SUMF1: variants seen among roughly 807,000 people sequenced by gnomAD.
SUMF1 encodes the protein formylglycine-generating enzyme.
In SUMF1, 48 loss-of-function variants were observed where a neutral mutation model predicts 47.6. The observed-to-expected ratio is 1.01, with a 90% confidence interval of 0.80 to 1.28. The LOEUF (loss-of-function observed/expected upper bound fraction) is 1.28. Ranked by LOEUF, SUMF1 falls within the 50% of genes most tolerant of loss-of-function variation. The probability of loss-of-function intolerance (pLI) is 0.00; values close to 1 mark genes in which losing one functional copy is unlikely to be tolerated. For missense variants in SUMF1, 571 were observed against 485.4 expected, an observed-to-expected ratio of 1.18 and a Z score of -1.66; for synonymous variants, 230 against 192.1, an observed-to-expected ratio of 1.20 and a Z score of -1.63.
chr3:4,279,544 C>T (rs966506579), intron 8 of SUMF1, among the ~76,000 whole-genome samples: 10 of 151,956 alleles, frequency 6.6e-5, no homozygotes, highest in African/African-American at 2.2e-4. Context: ...AAATAGTAGG[C>T]GCTATGATCC....
chr3:4,381,647 C>G (rs1006231774), intron 7 of SUMF1, among the ~76,000 whole-genome samples: 1 of 152,226 alleles, frequency 6.6e-6, no homozygotes, highest in Non-Finnish European at 1.5e-5. Flanking sequence ...TTCTGACTTC[C>G]TCACACAAAC....
chr3:4,078,344 G>C (rs537492602), intron 8 of SUMF1, among the ~76,000 whole-genome samples: 2 of 152,008 alleles, frequency 1.3e-5, no homozygotes, highest in South Asian at 4.1e-4. Context: ...TCCACTACCT[G>C]TGAACGTATC....
chr3:4,385,552 A>G (rs1700645810), intron 7 of SUMF1, among the ~76,000 whole-genome samples: 1 of 152,128 alleles, frequency 6.6e-6, no homozygotes, highest in Non-Finnish European at 1.5e-5. Context: ...ATGGGTTGCG[A>G]ATATTTTCTC....
intron 9 of SUMF1, among the ~76,000 whole-genome samples, chr3:4,045,964 T>C (rs966099636): frequency 1.4e-4 from 22 of 152,134 alleles, no homozygotes; most frequent in African/African-American, 5.3e-4. Context: ...GGCAAGAGGA[T>C]TGCTTGAGGC....
In SUMF1 at chr3:4,316,494, G is replaced by T. The variant is rs1268324674; in HGVS notation, c.1014+59836C>A. On this transcript the variant is annotated intron_variant and NMD_transcript_variant, in intron 8 of 12. Transcript: ENST00000448413. Reference sequence around the variant, plus strand: ...TACAACTACACGAGAAGTTGCTGAAGAACTCAATGTCAACCATTCTACGGT... The same window carrying T: ...TACAACTACACGAGAAGTTGCTGAATAACTCAATGTCAACCATTCTACGGT... 2.5e-6 allele frequency: 4 copies of T among 1,600,754 alleles called. 1 individual carries two copies. The African/African-American group carries it at 4.0e-5, about 16-fold the overall frequency.
chr3:4,313,563 C>T (rs1261040327), intron 8 of SUMF1: 6 of 1,613,892 alleles, frequency 3.7e-6, no homozygotes, highest in East Asian at 2.2e-5. Context: ...TCAGTGAAGA[C>T]AAAGAAAGGC....
At chr3:4,465,318 T>C (rs564495811) in intron 1 of SUMF1, among the ~76,000 whole-genome samples, 2 of 151,996 alleles carry the variant, frequency 1.3e-5, no homozygotes, top group African/African-American at 4.8e-5. Context: ...CTATTAAAAA[T>C]ACAAAAATTA....
rs568085813 is a variant in SUMF1 at position 4,131,842 on chromosome 3, C to A, written c.1015-63097G>T. Among the ~76,000 whole-genome samples the A allele has an allele frequency of 9.9e-5, 15 of 152,232 alleles. No individual in the cohort carries two copies. The South Asian group carries it at 2.9e-3, about 30-fold the overall frequency. Reference sequence around the variant, plus strand: ...ACCCATTCTGGGGACACCACTCAGCCTCTTTCCCCAGCCACCTCTGTCATT... The same window carrying A: ...ACCCATTCTGGGGACACCACTCAGCATCTTTCCCCAGCCACCTCTGTCATT... On this transcript the variant is annotated intron_variant and NMD_transcript_variant, in intron 8 of 12. Transcript: ENST00000448413.
At chr3:4,335,678 C>T (rs1293241795) in intron 8 of SUMF1, among the ~76,000 whole-genome samples, 1 of 152,106 alleles carries the variant, frequency 6.6e-6, no homozygotes, top group African/African-American at 2.4e-5. Context: ...GGCACAGTGG[C>T]TCACACCTGT....
chr3:4,440,408 T>C (rs1035617517), intron 3 of SUMF1, among the ~76,000 whole-genome samples: 1 of 152,212 alleles, frequency 6.6e-6, no homozygotes, highest in East Asian at 1.9e-4. Context: ...AAAATTATTT[T>C]GGGGAGTGTG....
chr3:4,241,101 TAGAG>T (rs1471841022), intron 8 of SUMF1, among the ~76,000 whole-genome samples: 1 of 152,010 alleles, frequency 6.6e-6, no homozygotes, highest in Admixed American at 6.6e-5. Flanking sequence ...TTTAGATAAT[TAGAG>T]AGAAGATTTG....
intron 8 of SUMF1, among the ~76,000 whole-genome samples, chr3:4,364,941 T>C (rs1358423426): frequency 2.0e-5 from 3 of 151,842 alleles, no homozygotes; most frequent in African/African-American, 7.3e-5. Context: ...TTCTTGTTGG[T>C]TTCAAAGAAC....
At chr3:4,123,666 C>T (rs1481290299) in intron 8 of SUMF1, among the ~76,000 whole-genome samples, 2 of 152,090 alleles carry the variant, frequency 1.3e-5, no homozygotes, top group Non-Finnish European at 2.9e-5. Context: ...AGACCCCTGA[C>T]CTAGGAATTA....
intron 6 of SUMF1, 105 bp downstream of exon 6, chr3:4,417,023 G>C (rs1701735967): frequency 9.7e-7 from 1 of 1,026,922 alleles, no homozygotes; most frequent in Admixed American, 1.7e-5. Context: ...TACACGAAGG[G>C]AACACCGTGT....
intron 8 of SUMF1, among the ~76,000 whole-genome samples, chr3:4,310,270 A>G (rs1206982663): frequency 6.6e-6 from 1 of 152,238 alleles, no homozygotes; most frequent in Non-Finnish European, 1.5e-5. Context: ...ATTTCTGAAA[A>G]TAATAAATAG....
intron 3 of SUMF1, among the ~76,000 whole-genome samples, chr3:4,441,679 T>G (rs776275470): frequency 3.9e-5 from 6 of 152,242 alleles, no homozygotes; most frequent in Non-Finnish European, 8.8e-5. Context: ...ATAATAATCA[T>G]GAGTAATTCA....
chr3:4,368,127 A>G (rs1389237430), intron 8 of SUMF1, among the ~76,000 whole-genome samples: 1 of 152,230 alleles, frequency 6.6e-6, no homozygotes, highest in Non-Finnish European at 1.5e-5. Context: ...AATGAAGTCT[A>G]ACAAATTTAC....
intron 8 of SUMF1, among the ~76,000 whole-genome samples, chr3:4,310,869 G>C (rs1559215976): frequency 6.6e-6 from 1 of 152,050 alleles, no homozygotes; most frequent in Non-Finnish European, 1.5e-5. Flanking sequence ...AACATGAAAA[G>C]TTTAACAAAG....
At chr3:4,037,807 G>C (rs943108195) in intron 9 of SUMF1, among the ~76,000 whole-genome samples, 1 of 152,172 alleles carries the variant, frequency 6.6e-6, no homozygotes. Context: ...CTGTGATATA[G>C]ATTGAATATG....
Sources: gnomAD v4.1 joint callset for allele counts (sites outside exome capture counted in the v4.1 genomes callset) on GRCh38, gnomAD v4.1.1 for gene constraint, MANE v1.5 for transcripts, NCBI Gene and HGNC (gene_info 2026-07-23, HGNC 2026-07-21) for gene names.